ALOX5AP: variants seen among roughly 807,000 people sequenced by gnomAD.
The protein encoded by ALOX5AP is arachidonate 5-lipoxygenase activating protein, also known as arachidonate 5-lipoxygenase-activating protein.
ALOX5AP carries 9 observed loss-of-function variants against 18.5 expected under a neutral mutation model. That is an observed-to-expected ratio of 0.49 (90% CI 0.29 to 0.85). The LOEUF (loss-of-function observed/expected upper bound fraction) is 0.85, where lower values mean the gene tolerates loss of function less well. Ranked by LOEUF, ALOX5AP falls within the 40% of genes least tolerant of loss-of-function variation. ALOX5AP has a pLI of 0.08. For synonymous variants in ALOX5AP, 81 were observed against 78.6 expected (o/e 1.03, Z -0.16); for missense variants, 172 against 202.5 (o/e 0.85, Z 0.91).
intron 1 of ALOX5AP, among the ~76,000 whole-genome samples, chr13:30,730,218 T>C (rs914132942): frequency 3.3e-5 from 5 of 152,240 alleles, no homozygotes; most frequent in African/African-American, 1.2e-4. Flanking sequence ...TTTCTTCAGC[T>C]ATAGAATGGC....
upstream of ALOX5AP, among the ~76,000 whole-genome samples, chr13:30,731,570 T>A (rs974568065): frequency 1.8e-4 from 27 of 152,182 alleles, no homozygotes; most frequent in African/African-American, 6.5e-4. Flanking sequence ...GGTCTTGCTA[T>A]GTTGCCCAGG....
At chr13:30,726,473 C>T (rs892984749) in intron 1 of ALOX5AP, among the ~76,000 whole-genome samples, 1 of 152,164 alleles carries the variant, frequency 6.6e-6, no homozygotes, top group Non-Finnish European at 1.5e-5. Context: ...AATATTTTAT[C>T]TATGTCCATC....
intron 1 of ALOX5AP, among the ~76,000 whole-genome samples, chr13:30,742,716 CT>C (rs1390660635): frequency 3.3e-5 from 5 of 152,086 alleles, no homozygotes; most frequent in Non-Finnish European, 7.4e-5. Context: ...CCTTTAATGT[CT>C]TTTTGAGGAG....
At chr13:30,718,187 G>A (rs1422671927) in intron 1 of ALOX5AP, among the ~76,000 whole-genome samples, 1 of 151,652 alleles carries the variant, frequency 6.6e-6, no homozygotes, top group African/African-American at 2.4e-5. Flanking sequence ...TCAAACTCCT[G>A]ACCTCAGGTG....
At chr13:30,724,645 G>T (rs536742847) in intron 1 of ALOX5AP, among the ~76,000 whole-genome samples, 1 of 152,138 alleles carries the variant, frequency 6.6e-6, no homozygotes, top group Non-Finnish European at 1.5e-5. Flanking sequence ...ATAACTATTC[G>T]CCTTTTGAGA....
intron 1 of ALOX5AP, among the ~76,000 whole-genome samples, chr13:30,724,154 C>T (rs777683168): frequency 2.6e-5 from 4 of 152,110 alleles, no homozygotes; most frequent in Non-Finnish European, 4.4e-5. Context: ...ATAAATTGTA[C>T]TTATCTTTTC....
Position 30,744,045 on chromosome 13 carries a change from C to G in ALOX5AP, c.71-15C>G. On this transcript the variant is annotated splice_polypyrimidine_tract_variant and intron_variant, in intron 1 of 4. Transcript: ENST00000380490. ...TGCCCACAATGAACCAGATGCAAACCTTTTCCCTTGGCAGGATTCTTTGCC... is the reference window on the plus strand; with the variant it reads ...TGCCCACAATGAACCAGATGCAAACGTTTTCCCTTGGCAGGATTCTTTGCC... 1.2e-6 allele frequency: 2 copies of G among 1,610,798 alleles called. No individual in the cohort carries two copies. The highest frequency in any genetic ancestry group is 1.7e-5 in the Admixed American group (1 of 60,008).
At chr13:30,742,438 C>G (rs1478326705) in intron 1 of ALOX5AP, 1 of 152,274 alleles carries the variant, frequency 6.6e-6, no homozygotes, top group Non-Finnish European at 1.5e-5. Flanking sequence ...CTGCACCTCT[C>G]CCCAGCAGCA....
intron 1 of ALOX5AP, among the ~76,000 whole-genome samples, chr13:30,726,139 A>G (rs1001353205): frequency 2.6e-5 from 4 of 152,140 alleles, no homozygotes; most frequent in African/African-American, 9.7e-5. Context: ...TGTGGGGGGA[A>G]TGCTTCCATC....
At chr13:30,734,576 C>G (rs1239911488), upstream of ALOX5AP, among the ~76,000 whole-genome samples, 2 of 152,230 alleles carry the variant, frequency 1.3e-5, no homozygotes, top group East Asian at 3.9e-4. Context: ...AGGCAGCCAC[C>G]TCACCCACCC....
intron 1 of ALOX5AP, among the ~76,000 whole-genome samples, chr13:30,728,095 A>T (rs1593429566): frequency 6.6e-6 from 1 of 152,170 alleles, no homozygotes; most frequent in African/African-American, 2.4e-5. Context: ...ATGGGCTCCT[A>T]ATTCAATACA....
chr13:30,722,151 G>A (rs567014456), intron 1 of ALOX5AP, among the ~76,000 whole-genome samples: 9 of 152,338 alleles, frequency 5.9e-5, no homozygotes, highest in Middle Eastern at 3.4e-3. Context: ...AAGAAAGCTC[G>A]TTGAAGACAT....
chr13:30,747,972 T>G (rs1951822402), intron 2 of ALOX5AP, among the ~76,000 whole-genome samples: 2 of 152,146 alleles, frequency 1.3e-5, no homozygotes, highest in Non-Finnish European at 2.9e-5. Context: ...CAGGCTGGAG[T>G]GCAGTGGTGC....
At chr13:30,727,140 G>A (rs1951645551) in intron 1 of ALOX5AP, among the ~76,000 whole-genome samples, 2 of 151,472 alleles carry the variant, frequency 1.3e-5, no homozygotes, top group African/African-American at 4.9e-5. Context: ...TACAACCTCT[G>A]CCTCCCGGGT....
rs977616152 is a variant in ALOX5AP, at chr13:30,722,311, C to G, written c.116+8470C>G. ...GGTAGAACAGGAAGAAAGAAGGCACCTATGTTCTTGTTCACCTTGAACCAC... is the reference window on the plus strand; with the variant it reads ...GGTAGAACAGGAAGAAAGAAGGCACGTATGTTCTTGTTCACCTTGAACCAC... On this transcript the variant is annotated intron_variant, in intron 1 of 5. Coordinates refer to the ALOX5AP transcript ENST00000617770. 2.0e-5 allele frequency among the ~76,000 whole-genome samples: 3 copies of G among 152,208 alleles called. No homozygotes were observed. In the East Asian group the frequency reaches 5.8e-4, roughly 29 times the overall value.
intron 1 of ALOX5AP, among the ~76,000 whole-genome samples, chr13:30,724,849 G>T (rs67378342): frequency 0.13 from 20,308 of 152,184 alleles, 1,370 homozygotes; most frequent in South Asian, 0.21. Context: ...ACACAAATAA[G>T]TTGCAAGAGC....
intron 1 of ALOX5AP, among the ~76,000 whole-genome samples, chr13:30,739,394 G>A (rs960266678): frequency 6.6e-6 from 1 of 152,166 alleles, no homozygotes; most frequent in Non-Finnish European, 1.5e-5. Context: ...CTGGCACAAA[G>A]ACAGGTCTTT....
At chr13:30,736,366 CAAA>C (rs918075778) in intron 1 of ALOX5AP, among the ~76,000 whole-genome samples, 1 of 151,864 alleles carries the variant, frequency 6.6e-6, no homozygotes, top group Non-Finnish European at 1.5e-5. Flanking sequence ...ACAACAACAA[CAAA>C]AAACAAGCAG....
intron 1 of ALOX5AP, among the ~76,000 whole-genome samples, chr13:30,717,079 C>T (rs567568876): frequency 1.6e-4 from 25 of 152,182 alleles, no homozygotes; most frequent in Non-Finnish European, 3.4e-4. Context: ...CCCAGACTCT[C>T]CACCGCTACA....
Sources: gnomAD v4.1 joint callset for allele counts (sites outside exome capture counted in the v4.1 genomes callset) on GRCh38, gnomAD v4.1.1 for gene constraint, MANE v1.5 for transcripts, NCBI Gene and HGNC (gene_info 2026-07-23, HGNC 2026-07-21) for gene names.